SLC17A1: variants seen among roughly 807,000 people sequenced by gnomAD.
SLC17A1 encodes the protein solute carrier family 17 member 1.
SLC17A1 carries 51 observed loss-of-function variants against 53.5 expected under a neutral mutation model. The ratio of observed to expected loss-of-function variants is 0.95; its 90% CI spans 0.76 to 1.20. SLC17A1 has a LOEUF of 1.20. Among genes scored for constraint, SLC17A1 ranks in the 50% most tolerant of loss-of-function variants. The probability of loss-of-function intolerance (pLI) is 0.00; values close to 1 mark genes in which losing one functional copy is unlikely to be tolerated. For missense variants in SLC17A1, 538 were observed against 568.2 expected (o/e 0.95, Z 0.54); for synonymous variants, 179 against 198.8 (o/e 0.90, Z 0.84).
intron 2 of SLC17A1, among the ~76,000 whole-genome samples, chr6:25,830,301 G>C (rs1764900651): frequency 6.6e-6 from 1 of 152,114 alleles, no homozygotes; most frequent in African/African-American, 2.4e-5. Flanking sequence ...ACTGACAAGT[G>C]CGCAAAAATG....
At chr6:25,758,838 G>T in the SLC17A1 span, among the ~76,000 whole-genome samples, 48,325 of 151,864 alleles carry the variant, frequency 0.32, 9,162 homozygotes, top group South Asian at 0.44. Context: ...CTTCTGCTGG[G>T]TTTGGGTTTG....
At chr6:25,745,577 A>G in the SLC17A1 span, among the ~76,000 whole-genome samples, 2 of 152,300 alleles carry the variant, frequency 1.3e-5, no homozygotes, top group Admixed American at 1.3e-4. Flanking sequence ...TGGCAAGAAC[A>G]CCTTTTCCCT....
chr6:25,727,324 A>C, the SLC17A1 span: 2 of 1,545,774 alleles, frequency 1.3e-6, no homozygotes, highest in African/African-American at 2.7e-5. Flanking sequence ...TCTAACCCAA[A>C]GGCTCTTTTC....
At chr6:25,740,383 A>ATT in the SLC17A1 span, among the ~76,000 whole-genome samples, 21 of 151,472 alleles carry the variant, frequency 1.4e-4, no homozygotes, top group East Asian at 5.8e-4. Flanking sequence ...CTACAAAGTC[A>ATT]TTTTTTTTTA....
At chr6:25,747,444 G>A in the SLC17A1 span, among the ~76,000 whole-genome samples, 1 of 152,208 alleles carries the variant, frequency 6.6e-6, no homozygotes, top group African/African-American at 2.4e-5. Context: ...TGGAGAATAT[G>A]ACTCTAGGAT....
At chr6:25,827,070 G>A (rs1764776777) in intron 2 of SLC17A1, among the ~76,000 whole-genome samples, 1 of 152,128 alleles carries the variant, frequency 6.6e-6, no homozygotes, top group Admixed American at 6.6e-5. Flanking sequence ...TTAAAAAAAT[G>A]TAATTACTTA....
chr6:25,790,371 T>C (rs77508130), intron 12 of SLC17A1, among the ~76,000 whole-genome samples: 3,067 of 152,288 alleles, frequency 0.02, 87 homozygotes, highest in African/African-American at 0.067. Flanking sequence ...CTCAAAGCAA[T>C]GTTGTTGATA....
At chr6:25,802,993 C>T (rs1387980669) in intron 10 of SLC17A1, among the ~76,000 whole-genome samples, 1 of 116,464 alleles carries the variant, frequency 8.6e-6, no homozygotes, top group Non-Finnish European at 1.6e-5. Flanking sequence ...GTCGCCCAGG[C>T]TGGAGTGCAG....
the SLC17A1 span, among the ~76,000 whole-genome samples, chr6:25,747,170 C>T: frequency 6.6e-6 from 1 of 152,094 alleles, no homozygotes; most frequent in Non-Finnish European, 1.5e-5. Flanking sequence ...AGTAATCAAC[C>T]CAGTGCATTC....
At position 25,810,678 on chromosome 6, in the gene SLC17A1, C is replaced by T. The variant is rs572030897; in HGVS notation, c.1178+720G>A. Among the ~76,000 whole-genome samples, 5 of 152,122 alleles carry T rather than the reference C, an allele frequency of 3.3e-5. No individual in the cohort carries two copies. The South Asian group carries it at 6.2e-4, about 19-fold the overall frequency. On this transcript the variant is annotated intron_variant, in intron 10 of 12. Coordinates refer to ENST00000244527, the MANE Select transcript of SLC17A1 (RefSeq NM_005074.5). ...GGAATGTAAATTAGTACAGCTGTTA[C>T]GGAAAACAGTATGGATGTTCCTCAA...
chr6:25,739,775 G>T, the SLC17A1 span, among the ~76,000 whole-genome samples: 1 of 152,120 alleles, frequency 6.6e-6, no homozygotes, highest in Non-Finnish European at 1.5e-5. Flanking sequence ...GTTTCCAGGG[G>T]TTTGGGATGG....
intron 1 of SLC17A1, among the ~76,000 whole-genome samples, 155 bp downstream of exon 1, chr6:25,831,839 A>G (rs1764960824): frequency 6.6e-6 from 1 of 152,104 alleles, no homozygotes; most frequent in Non-Finnish European, 1.5e-5. Context: ...TTCTCTTGTG[A>G]AAAGCCTCAG....
the SLC17A1 span, among the ~76,000 whole-genome samples, chr6:25,759,133 C>A: frequency 2.6e-5 from 4 of 152,062 alleles, no homozygotes; most frequent in East Asian, 5.8e-4. Flanking sequence ...AGTTGATTTC[C>A]AATTTTATTC....
intron 10 of SLC17A1, among the ~76,000 whole-genome samples, chr6:25,808,182 C>T (rs1427709142): frequency 6.6e-6 from 1 of 151,982 alleles, no homozygotes; most frequent in East Asian, 1.9e-4. Context: ...GGTGGTATCA[C>T]ATTGTGCTTA....
the SLC17A1 span, among the ~76,000 whole-genome samples, chr6:25,736,938 T>G: frequency 6.6e-6 from 1 of 152,226 alleles, no homozygotes; most frequent in South Asian, 2.1e-4. Context: ...CAACTTCATC[T>G]TGCTAGATCT....
chr6:25,819,431 C>T, intron 5 of SLC17A1, 80 bp downstream of exon 5: 1 of 1,174,612 alleles, frequency 8.5e-7, no homozygotes. Context: ...TCAAAACACA[C>T]ATTTCTTATG....
the SLC17A1 span, among the ~76,000 whole-genome samples, chr6:25,725,906 C>G: frequency 6.6e-6 from 1 of 152,100 alleles, no homozygotes; most frequent in African/African-American, 2.4e-5. Context: ...CATATATAAC[C>G]AAAATTACCT....
chr6:25,808,170 A>G (rs921602426), intron 10 of SLC17A1, among the ~76,000 whole-genome samples: 3 of 152,052 alleles, frequency 2.0e-5, no homozygotes, highest in African/African-American at 7.2e-5. Context: ...TTGCAGGAGT[A>G]AGGTGGTATC....
the SLC17A1 span, chr6:25,776,647 T>G: frequency 6.7e-4 from 1,085 of 1,613,856 alleles, 4 homozygotes; most frequent in African/African-American, 0.012. Context: ...TGCATTATCC[T>G]TGGAGGTCTA....
Sources: gnomAD v4.1 joint callset for allele counts (sites outside exome capture counted in the v4.1 genomes callset) on GRCh38, gnomAD v4.1.1 for gene constraint, MANE v1.5 for transcripts, NCBI Gene and HGNC (gene_info 2026-07-23, HGNC 2026-07-21) for gene names.